EHBP1: variants seen among roughly 807,000 people sequenced by gnomAD.
EHBP1 encodes EH domain binding protein 1.
In EHBP1, 55 loss-of-function variants were observed where a neutral mutation model predicts 144.0. The observed-to-expected ratio is 0.38, with a 90% CI of 0.31 to 0.48. The LOEUF (loss-of-function observed/expected upper bound fraction) is 0.48, where lower values mean the gene tolerates loss of function less well. EHBP1 is among the 20% of genes least tolerant of loss of function. The probability of loss-of-function intolerance (pLI) is 0.98; values close to 1 mark genes in which losing one functional copy is unlikely to be tolerated. For missense variants in EHBP1, 1,200 were observed against 1,364.2 expected (o/e 0.88, Z 1.90); for synonymous variants, 469 against 472.7 (o/e 0.99, Z 0.10).
At chr2:62,695,140 G>A in intron 1 of EHBP1, among the ~76,000 whole-genome samples, 1 of 152,098 alleles carries the variant, frequency 6.6e-6, no homozygotes, top group Admixed American at 6.5e-5. Context: ...GGCAGGGAGG[G>A]CGGCTTGAGC....
intron 14 of EHBP1, among the ~76,000 whole-genome samples, chr2:62,977,476 C>T (rs1468748): frequency 0.63 from 96,017 of 151,950 alleles, 30,509 homozygotes; most frequent in South Asian, 0.7. Flanking sequence ...ATTCTTCAGA[C>T]CCAACTTGAA....
At chr2:62,838,473 C>T (rs1264085049) in intron 7 of EHBP1, among the ~76,000 whole-genome samples, 2 of 151,882 alleles carry the variant, frequency 1.3e-5, no homozygotes, top group Non-Finnish European at 2.9e-5. Context: ...TAGCAGAAGG[C>T]AAGAAACAAC....
At chr2:62,842,061 A>G (rs188030835) in intron 7 of EHBP1, among the ~76,000 whole-genome samples, 73 of 152,046 alleles carry the variant, frequency 4.8e-4, no homozygotes, top group African/African-American at 1.5e-3. Flanking sequence ...AAAAGGGACA[A>G]GGGACCAAGG....
intron 2 of EHBP1, among the ~76,000 whole-genome samples, chr2:62,721,009 A>G (rs2036173911): frequency 6.9e-6 from 1 of 143,962 alleles, no homozygotes; most frequent in Admixed American, 6.9e-5. Flanking sequence ...TAAGATTAAT[A>G]TTATTAGGCA....
chr2:62,703,366 C>T (rs550561991), upstream of EHBP1, among the ~76,000 whole-genome samples: 2 of 152,096 alleles, frequency 1.3e-5, no homozygotes, highest in East Asian at 1.9e-4. Flanking sequence ...GATTAATACT[C>T]GGTATTCAAT....
At chr2:62,940,883 A>T (rs1404601380) in intron 10 of EHBP1, among the ~76,000 whole-genome samples, 2 of 152,188 alleles carry the variant, frequency 1.3e-5, no homozygotes, top group East Asian at 3.8e-4. Context: ...TACAGTCATA[A>T]TCATAATGAT....
At chr2:62,968,362 C>T (rs1223665684) in intron 14 of EHBP1, among the ~76,000 whole-genome samples, 1 of 151,822 alleles carries the variant, frequency 6.6e-6, no homozygotes, top group African/African-American at 2.4e-5. Context: ...TACCAAATAC[C>T]AATAGAGTAT....
chr2:63,042,272 A>C (rs1361772598), intron 21 of EHBP1, among the ~76,000 whole-genome samples: 3 of 152,168 alleles, frequency 2.0e-5, no homozygotes, highest in Non-Finnish European at 4.4e-5. Context: ...AAAATAGTTT[A>C]CTTAATTTCT....
intron 2 of EHBP1, among the ~76,000 whole-genome samples, chr2:62,710,510 T>G (rs1294383577): frequency 6.6e-6 from 1 of 150,886 alleles, no homozygotes; most frequent in East Asian, 1.9e-4. Context: ...TTCCTTATTT[T>G]AAAATATAAT....
At chr2:62,728,951 A>C (rs1181530318) in intron 2 of EHBP1, among the ~76,000 whole-genome samples, 1 of 151,872 alleles carries the variant, frequency 6.6e-6, no homozygotes, top group Non-Finnish European at 1.5e-5. Context: ...TGGTGTAAGG[A>C]AGGTGTCTAC....
intron 10 of EHBP1, among the ~76,000 whole-genome samples, chr2:62,897,892 C>G (rs1215831661): frequency 5.9e-5 from 9 of 152,246 alleles, no homozygotes; most frequent in African/African-American, 2.2e-4. Flanking sequence ...TCTGTATCTG[C>G]ATTAATGTAG....
At chr2:62,814,892 G>A (rs1043525288) in intron 5 of EHBP1, among the ~76,000 whole-genome samples, 3 of 152,098 alleles carry the variant, frequency 2.0e-5, no homozygotes, top group African/African-American at 7.2e-5. Context: ...TTTAAATGAA[G>A]AATTCTGCTT....
chr2:62,949,847 C>G (rs1047834409), intron 13 of EHBP1, among the ~76,000 whole-genome samples: 10 of 151,874 alleles, frequency 6.6e-5, no homozygotes, highest in Non-Finnish European at 1.5e-4. Flanking sequence ...TCTCTGGTAC[C>G]ATCAGTTATA....
intron 10 of EHBP1, among the ~76,000 whole-genome samples, chr2:62,931,043 T>C (rs2055942999): frequency 6.6e-6 from 1 of 152,184 alleles, no homozygotes; most frequent in Non-Finnish European, 1.5e-5. Flanking sequence ...AATTTAAAAC[T>C]TTTGTGCCTC....
chr2:62,699,572 T>A (rs1237538190), intron 1 of EHBP1, among the ~76,000 whole-genome samples: 1 of 152,172 alleles, frequency 6.6e-6, no homozygotes, highest in Non-Finnish European at 1.5e-5. Context: ...AGGCTTAGAT[T>A]GAGAGGATGC....
At chr2:62,841,401 TAGTG>T (rs925244477) in intron 7 of EHBP1, among the ~76,000 whole-genome samples, 6 of 149,766 alleles carry the variant, frequency 4.0e-5, no homozygotes, top group Non-Finnish European at 8.9e-5. Context: ...GATGACGAGT[TAGTG>T]GGTGCAGTGC....
chr2:63,013,504 C>T (rs2060354740), intron 19 of EHBP1, among the ~76,000 whole-genome samples: 1 of 152,160 alleles, frequency 6.6e-6, no homozygotes, highest in South Asian at 2.1e-4. Context: ...TAACAAATAC[C>T]CTGCTGCTTG....
At chr2:62,686,451 A>G (rs2033720790) in intron 1 of EHBP1, among the ~76,000 whole-genome samples, 1 of 152,158 alleles carries the variant, frequency 6.6e-6, no homozygotes, top group African/African-American at 2.4e-5. Flanking sequence ...TAAGTGGGCA[A>G]TTTCTATCCT....
chr2:62,834,531 T>C (rs1471152197), intron 7 of EHBP1, among the ~76,000 whole-genome samples: 1 of 152,250 alleles, frequency 6.6e-6, no homozygotes, highest in Admixed American at 6.5e-5. Flanking sequence ...AATTAAGGTA[T>C]ATATGTTGTT....
Sources: allele counts gnomAD v4.1 joint callset (sites outside exome capture counted in the v4.1 genomes callset), GRCh38; gene constraint gnomAD v4.1.1; transcripts MANE v1.5; gene names NCBI Gene and HGNC (gene_info 2026-07-23, HGNC 2026-07-21).